Variants in PMS2 observed in about 807,000 individuals in gnomAD.
PMS2 encodes the protein mismatch repair endonuclease PMS2.
A neutral mutation model predicts 90.0 loss-of-function variants in PMS2; 69 were observed. The observed-to-expected ratio is 0.77, with a 90% CI of 0.63 to 0.94. The LOEUF (loss-of-function observed/expected upper bound fraction) is 0.94, where lower values mean the gene tolerates loss of function less well. Ranked by LOEUF, PMS2 falls within the 40% of genes least tolerant of loss-of-function variation. The probability of loss-of-function intolerance (pLI) is 0.00; values close to 1 mark genes in which losing one functional copy is unlikely to be tolerated. For missense variants in PMS2, 966 were observed against 1,040.2 expected, an observed-to-expected ratio of 0.93 and a Z score of 0.98; for synonymous variants, 332 against 375.1, an observed-to-expected ratio of 0.89 and a Z score of 1.33.
Position 6,000,272 on chromosome 7 carries a change from G to A in PMS2, c.538-997C>T, listed in dbSNP as rs1328556698. On this transcript the variant is annotated intron_variant, in intron 5 of 14. Coordinates refer to ENST00000265849, the MANE Select transcript of PMS2 (RefSeq NM_000535.7). Reference sequence around the variant, plus strand: ...GCCTGGAGTCCCAGCTACTTGGGAGGCTGAAGTGGGAAGATTCATTGAGCC... The same window carrying A: ...GCCTGGAGTCCCAGCTACTTGGGAGACTGAAGTGGGAAGATTCATTGAGCC... 2.0e-5 allele frequency among the ~76,000 whole-genome samples: 3 copies of A among 151,764 alleles called. No homozygotes were observed. The East Asian group carries it at 5.8e-4, about 29-fold the overall frequency.
chr7:5,987,748 A>G, intron 10 of PMS2, 128 bp from the exon 11 acceptor site: 3 of 1,044,226 alleles, frequency 2.9e-6, no homozygotes, highest in East Asian at 2.3e-5. Context: ...ACACAGTTCA[A>G]TGTTCAAAAT....
chr7:6,008,780 G>A (rs1316854162), intron 1 of PMS2, among the ~76,000 whole-genome samples: 1 of 152,074 alleles, frequency 6.6e-6, no homozygotes, highest in Admixed American at 6.5e-5. Flanking sequence ...TCCTTTGCCC[G>A]CAGCCCAGGA....
chr7:6,000,718 C>T (rs1375463021), intron 5 of PMS2, among the ~76,000 whole-genome samples: 1 of 151,798 alleles, frequency 6.6e-6, no homozygotes, highest in Non-Finnish European at 1.5e-5. Flanking sequence ...CAGCCAAGTG[C>T]AGTGGCTCAC....
intron 6 of PMS2, 117 bp downstream of exon 6, chr7:5,998,989 CAA>C (rs11289444): frequency 0.14 from 115,500 of 815,124 alleles, 1 homozygote; most frequent in East Asian, 0.2. Context: ...GACTCCCTCT[CAA>C]AAAAAAAAAA....
chr7:5,986,700 A>AAAAAAT (rs1008829953), intron 11 of PMS2, 59 bp downstream of exon 11: 1 of 1,339,864 alleles, frequency 7.5e-7, no homozygotes, highest in South Asian at 1.4e-5. Context: ...TCAAAAAAAT[A>AAAAAAT]AAAAATAAAA....
chr7:5,987,703 A>T, intron 10 of PMS2, 83 bp from the exon 11 acceptor site: 5 of 945,502 alleles, frequency 5.3e-6, no homozygotes, highest in South Asian at 5.2e-5. Context: ...GATACTTCAC[A>T]AAAGAGGAGA....
rs587780047 is a variant in PMS2 at position 5,982,963 on chromosome 7, T to C, written c.2035A>G (p.Ile679Val). 1.1e-5 allele frequency: 17 copies of C among 1,570,218 alleles called. No homozygotes were observed. Among genetic ancestry groups the C allele is most frequent in the Non-Finnish European group, 1.4e-5 (16 of 1,150,380 alleles). ...SKTMFAEMEI[I>V]GQFNLGFIIT... Reference sequence around the variant, plus strand: ...ATAAATCCCAGGTTAAACTGACCAATGATTTCCATTTCTGCAAACATCGTT... The same window carrying C: ...ATAAATCCCAGGTTAAACTGACCAACGATTTCCATTTCTGCAAACATCGTT... The change falls in exon 12 of 15, where the codon ATT becomes GTT. Residue 679 changes from isoleucine (I) to valine (V), a missense_variant. Around this residue, in one of 2 missense-constraint regions of PMS2, gnomAD observed 95 missense variants for 237.8 expected, o/e 0.40. Transcript: ENST00000265849.
chr7:5,979,055 G>A lies in PMS2; in HGVS notation c.2175-359C>T, dbSNP rs1316247442. ...ACTAAAAATATAAAAATTAGGCCAG[G>A]CATGGTGGCGCACGCCTGTAGTCCC... On this transcript the variant is annotated intron_variant, in intron 12 of 14. Transcript: ENST00000265849. Among the ~76,000 whole-genome samples, 5 of 147,986 alleles carry A rather than the reference G, an allele frequency of 3.4e-5. 1 individual carries two copies. Among genetic ancestry groups the A allele is most frequent in the Non-Finnish European group, 7.4e-5 (5 of 67,134 alleles).
chr7:6,003,559 G>A (rs781128721), intron 4 of PMS2, 131 bp downstream of exon 4: 28 of 661,572 alleles, frequency 4.2e-5, no homozygotes, highest in East Asian at 1.6e-4. Context: ...GATTGGCAGC[G>A]AGACAAAACA....
At chr7:5,998,860 G>A (rs1215910725) in intron 6 of PMS2, among the ~76,000 whole-genome samples, 4 of 151,670 alleles carry the variant, frequency 2.6e-5, no homozygotes, top group Non-Finnish European at 5.9e-5. Context: ...GCGTAGTGGA[G>A]CATGCTTGTA....
At chr7:5,984,272 C>T (rs896084475) in intron 11 of PMS2, among the ~76,000 whole-genome samples, 4 of 151,818 alleles carry the variant, frequency 2.6e-5, no homozygotes, top group Non-Finnish European at 4.4e-5. Flanking sequence ...ACCACTGGGT[C>T]CTTTGCGGGT....
At position 6,008,912 on chromosome 7, in the gene PMS2, C is replaced by T. The variant is rs869312618; in HGVS notation, c.23+85G>A. On this transcript the variant is annotated intron_variant, in intron 1 of 14. Coordinates refer to ENST00000265849, the MANE Select transcript of PMS2 (RefSeq NM_000535.7). ...TCGCCACGCGCCTCGGCCATGTTCC[C>T]CCCATTTCCAGGGAGGTTGGAATGC... The T allele has an allele frequency of 3.3e-6, 5 of 1,518,606 alleles. No homozygotes were observed. In the African/African-American group the frequency reaches 6.8e-5, roughly 21 times the overall value. 94.1% of individuals were successfully genotyped at this position (1,518,606 alleles called of 1,614,324 possible).
In PMS2 at chr7:5,987,389, G is replaced by C. The variant is rs587780724; in HGVS notation, c.1376C>G (p.Ser459Ter). Residue 459 changes from serine (S) to a stop codon, truncating the protein, a stop_gained, in exon 11 of 15, where the codon TCA becomes TGA. Coordinates refer to ENST00000265849, the MANE Select transcript of PMS2 (RefSeq NM_000535.7). LOFTEE classifies it high-confidence loss of function. The stretch of plus-strand genomic sequence containing the variant: ...GACGCCTTTGTCAGAGATGGCACCT[G>C]AAGTGCTAGAAGACAGCATACCCCT... ...QKRGMLSSST[S>*]GAISDKGVLR... The C allele has an allele frequency of 1.2e-6, 2 of 1,614,214 alleles. No individual in the cohort carries two copies. Among genetic ancestry groups the C allele is most frequent in the Middle Eastern group, 1.6e-4 (1 of 6,062 alleles).
intron 8 of PMS2, among the ~76,000 whole-genome samples, chr7:5,994,396 AAAC>A (rs1330305437): frequency 3.9e-5 from 6 of 151,964 alleles, no homozygotes; most frequent in Middle Eastern, 3.4e-3. Flanking sequence ...AAAACCCAAA[AAAC>A]AACAACAAAA....
intron 7 of PMS2, 62 bp downstream of exon 7, chr7:5,997,264 T>C (rs1028602907): frequency 4.9e-6 from 4 of 813,962 alleles, no homozygotes; most frequent in Non-Finnish European, 8.3e-6. Context: ...TCACTATCTT[T>C]AAAAAAAAAG....
chr7:5,999,370 T>C, intron 5 of PMS2, 95 bp from the exon 6 acceptor site: 1 of 1,072,000 alleles, frequency 9.3e-7, no homozygotes, highest in Non-Finnish European at 1.4e-6. Context: ...GGTTCTCACA[T>C]CATCGCACAA....
At chr7:5,979,381 A>G (rs1782089738) in intron 12 of PMS2, among the ~76,000 whole-genome samples, 1 of 144,842 alleles carries the variant, frequency 6.9e-6, no homozygotes, top group African/African-American at 2.6e-5. Context: ...ACAGGGCAAG[A>G]CTCTGTCTCA....
chr7:5,996,568 T>C (rs1341390489), intron 7 of PMS2, among the ~76,000 whole-genome samples: 2 of 93,666 alleles, frequency 2.1e-5, no homozygotes, highest in African/African-American at 8.8e-5. Flanking sequence ...CAAGACTCCA[T>C]CTCAAAGCTA....
intron 1 of PMS2, among the ~76,000 whole-genome samples, chr7:6,007,640 C>A (rs534241667): frequency 6.6e-6 from 1 of 152,258 alleles, no homozygotes; most frequent in African/African-American, 2.4e-5. Context: ...AAAGAGAAAT[C>A]ACTGGGTATT....
Sources: allele counts gnomAD v4.1 joint callset (sites outside exome capture counted in the v4.1 genomes callset), GRCh38; gene constraint gnomAD v4.1.1; regional missense constraint gnomAD v4.1.1; transcripts MANE v1.5; gene names NCBI Gene and HGNC (gene_info 2026-07-23, HGNC 2026-07-21).